The following QKI variants were observed in gnomAD, a reference collection of about 807,000 sequenced individuals.
The protein encoded by QKI is KH domain-containing RNA-binding protein QKI.
QKI carries 10 observed loss-of-function variants against 39.0 expected under a neutral mutation model. The observed-to-expected ratio is 0.26, with a 90% CI of 0.16 to 0.43. QKI has a LOEUF of 0.43. Ranked by LOEUF, QKI falls within the 20% of genes least tolerant of loss-of-function variation. QKI has a pLI of 1.00. For missense variants in QKI, 218 were observed against 428.0 expected (o/e 0.51, Z 4.33); for synonymous variants, 204 against 155.4 (o/e 1.31, Z -2.33).
chr6:163,425,083 C>T (rs1057422725), intron 1 of QKI, among the ~76,000 whole-genome samples: 1 of 152,146 alleles, frequency 6.6e-6, no homozygotes, highest in Admixed American at 6.6e-5. Context: ...AGAGTCACTA[C>T]TAACATTCTG....
chr6:163,465,589 A>G (rs1305047341), intron 2 of QKI, among the ~76,000 whole-genome samples: 2 of 149,658 alleles, frequency 1.3e-5, no homozygotes, highest in Non-Finnish European at 3.0e-5. Context: ...AGATTGCACC[A>G]TTGCACTCCA....
chr6:163,568,222 G>A (rs1783485685), intron 7 of QKI: 1 of 984,106 alleles, frequency 1.0e-6, no homozygotes, highest in Non-Finnish European at 1.2e-6. Context: ...GTCTACAATT[G>A]TTCTAAAGAG....
chr6:163,494,668 G>GTTT (rs1263917867), intron 3 of QKI, among the ~76,000 whole-genome samples: 3 of 56,534 alleles, frequency 5.3e-5, no homozygotes, highest in African/African-American at 1.8e-4. Context: ...TTTTGTTTTT[G>GTTT]TTGTTGTTGT....
chr6:163,481,804 C>T (rs1424053712), intron 3 of QKI, among the ~76,000 whole-genome samples: 2 of 152,184 alleles, frequency 1.3e-5, no homozygotes, highest in African/African-American at 4.8e-5. Flanking sequence ...AACTTCTTGT[C>T]TGTACCAGCT....
chr6:163,560,308 C>T (rs1318870935), intron 4 of QKI, among the ~76,000 whole-genome samples: 2 of 152,126 alleles, frequency 1.3e-5, no homozygotes, highest in African/African-American at 4.8e-5. Flanking sequence ...ATATTGCAGC[C>T]TCTTTTTTCA....
In QKI at chr6:163,575,582, G is replaced by A. The variant is rs1232083035; in HGVS notation, c.*4872G>A. On this transcript the variant is annotated 3_prime_UTR_variant, in exon 8 of 8. Coordinates refer to ENST00000361752, the MANE Select transcript of QKI (RefSeq NM_006775.3). ...ATGTCAGGGAAAACTTAACATGAAAGTAGTTACTCCCATACGCACCAGTGC... is the reference window on the plus strand; with the variant it reads ...ATGTCAGGGAAAACTTAACATGAAAATAGTTACTCCCATACGCACCAGTGC... 6.6e-6 allele frequency: 1 copy of A among 152,162 alleles called. No individual in the cohort carries two copies. Among genetic ancestry groups the A allele is most frequent in the African/African-American group, 2.4e-5 (1 of 41,434 alleles). 9.4% of individuals were successfully genotyped at this position (152,162 alleles called of 1,614,324 possible).
Position 163,534,525 on chromosome 6 carries a change from C to A in QKI, c.403-457C>A, listed in dbSNP as rs565585570. ...TTGATTCAGTTCCTAAATTGACAGC[C>A]TGTTAGCTGTGTGACATTGAGAGGT... On this transcript the variant is annotated intron_variant, in intron 3 of 7. Coordinates refer to ENST00000361752, the MANE Select transcript of QKI (RefSeq NM_006775.3). Among the ~76,000 whole-genome samples, 36 of 152,292 alleles carry A rather than the reference C, an allele frequency of 2.4e-4. 1 individual carries two copies. In the South Asian group the frequency reaches 6.6e-3, roughly 28 times the overall value.
At chr6:163,462,081 T>C (rs779087625) in intron 2 of QKI, among the ~76,000 whole-genome samples, 1 of 152,146 alleles carries the variant, frequency 6.6e-6, no homozygotes, top group Non-Finnish European at 1.5e-5. Context: ...ATTCAGTTAA[T>C]CATTTCATTG....
intron 1 of QKI, chr6:163,423,690 C>T (rs575226276): frequency 6.6e-6 from 1 of 152,166 alleles, no homozygotes; most frequent in East Asian, 1.9e-4. Flanking sequence ...TTATTTTTAA[C>T]GATAACTTTC....
intron 4 of QKI, among the ~76,000 whole-genome samples, chr6:163,547,624 C>G (rs1463889387): frequency 2.0e-5 from 3 of 152,142 alleles, no homozygotes; most frequent in Non-Finnish European, 2.9e-5. Context: ...CCCCGTATCA[C>G]AATTCTTCCC....
chr6:163,527,014 A>G (rs994786710), intron 3 of QKI, among the ~76,000 whole-genome samples: 1 of 152,184 alleles, frequency 6.6e-6, no homozygotes, highest in Non-Finnish European at 1.5e-5. Flanking sequence ...AAAAACAATA[A>G]AAGTTATTTG....
chr6:163,536,612 A>T (rs928549639), intron 4 of QKI, among the ~76,000 whole-genome samples: 6 of 152,090 alleles, frequency 3.9e-5, no homozygotes, highest in African/African-American at 1.4e-4. Flanking sequence ...TTACCCAGTC[A>T]CCTGTAATCT....
In QKI at chr6:163,504,424, G is replaced by A. The variant is rs116990443; in HGVS notation, c.402+25528G>A. Among the ~76,000 whole-genome samples the A allele has an allele frequency of 3.8e-3, 575 of 152,176 alleles. 4 individuals carry two copies. Among genetic ancestry groups the A allele is most frequent in the Non-Finnish European group, 4.1e-3 (282 of 67,974 alleles). On this transcript the variant is annotated intron_variant, in intron 3 of 7. Coordinates refer to ENST00000361752, the MANE Select transcript of QKI (RefSeq NM_006775.3). ...ATGTTGGTAGTTTGATAGAAATAGC[G>A]TTCAATCTGTAGATTACTTTGGGCA...
intron 3 of QKI, among the ~76,000 whole-genome samples, chr6:163,494,045 T>G (rs1778239073): frequency 6.6e-6 from 1 of 152,176 alleles, no homozygotes; most frequent in Non-Finnish European, 1.5e-5. Flanking sequence ...TGTGTATACC[T>G]TCAACCTAAA....
intron 1 of QKI, among the ~76,000 whole-genome samples, chr6:163,418,203 TTAGAG>T (rs1390564326): frequency 6.6e-6 from 1 of 152,110 alleles, no homozygotes; most frequent in Admixed American, 6.5e-5. Flanking sequence ...AACATCGTGC[TTAGAG>T]TAGATGTATT....
Position 163,415,143 on chromosome 6 carries a change from C to CCGG in QKI, c.-29_-27dup, listed in dbSNP as rs751570501. The CCGG allele has an allele frequency of 4.6e-3, 6,184 of 1,357,068 alleles. 40 individuals are homozygous for CCGG. The highest frequency in any genetic ancestry group is 0.033 in the African/African-American group (2,085 of 63,788). The allele number at this position is 1,357,068 out of a possible 1,614,324, so 84.1% of individuals were successfully genotyped here. On this transcript the variant is annotated 5_prime_UTR_variant, in exon 1 of 8. Coordinates refer to ENST00000361752, the MANE Select transcript of QKI (RefSeq NM_006775.3). ...GCTCGCCCCCGCCCCTCCCTCCTCT[C>CCGG]CGGCGGCGGCGGCGGCGGCGGCGGG...
intron 1 of QKI, among the ~76,000 whole-genome samples, chr6:163,417,809 A>G (rs1466794589): frequency 6.6e-6 from 1 of 152,200 alleles, no homozygotes; most frequent in Non-Finnish European, 1.5e-5. Flanking sequence ...AGTATGTTTA[A>G]AATGGGCAAT....
intron 3 of QKI, among the ~76,000 whole-genome samples, chr6:163,521,723 G>T (rs748238691): frequency 6.6e-6 from 1 of 152,128 alleles, no homozygotes; most frequent in Non-Finnish European, 1.5e-5. Flanking sequence ...GTTTCACCAT[G>T]TTGGCCAGGC....
At chr6:163,426,519 T>C (rs965906253) in intron 1 of QKI, among the ~76,000 whole-genome samples, 4 of 152,158 alleles carry the variant, frequency 2.6e-5, no homozygotes, top group African/African-American at 9.7e-5. Context: ...TTGTTTTGTT[T>C]TGTTTTGTTT....
Sources: allele counts gnomAD v4.1 joint callset (sites outside exome capture counted in the v4.1 genomes callset), GRCh38; gene constraint gnomAD v4.1.1; transcripts MANE v1.5; gene names NCBI Gene and HGNC (gene_info 2026-07-23, HGNC 2026-07-21).